The following GRIK4 variants were observed in gnomAD, a reference collection of about 807,000 sequenced individuals.
The protein encoded by GRIK4 is glutamate receptor ionotropic, kainate 4.
A neutral mutation model predicts 104.9 loss-of-function variants in GRIK4; 40 were observed. The observed-to-expected ratio is 0.38, with a 90% CI of 0.30 to 0.50. The LOEUF is 0.50. GRIK4 is among the 20% of genes least tolerant of loss of function. The probability of loss-of-function intolerance (pLI) is 0.93; values close to 1 mark genes in which losing one functional copy is unlikely to be tolerated. For missense variants in GRIK4, 1,047 were observed against 1,308.1 expected (o/e 0.80, Z 3.08); for synonymous variants, 485 against 524.9 (o/e 0.92, Z 1.04).
chr11:120,891,814 G>A (rs1955306994), intron 11 of GRIK4, among the ~76,000 whole-genome samples: 1 of 152,208 alleles, frequency 6.6e-6, no homozygotes, highest in Non-Finnish European at 1.5e-5. Flanking sequence ...AGGCTTCCTG[G>A]AGGAAGGGAC....
At chr11:120,985,247 C>T (rs1944721783) in intron 20 of GRIK4, among the ~76,000 whole-genome samples, 1 of 152,132 alleles carries the variant, frequency 6.6e-6, no homozygotes, top group Non-Finnish European at 1.5e-5. Flanking sequence ...TGTTTGTGGC[C>T]TTTATCTCAC....
In GRIK4 at chr11:120,801,319, G is replaced by A. The variant is rs535052754; in HGVS notation, c.83-1374G>A. Among the ~76,000 whole-genome samples the A allele has an allele frequency of 1.2e-4, 19 of 152,254 alleles. No homozygotes were observed. In the South Asian group the frequency reaches 2.3e-3, roughly 18 times the overall value. ...CAGCTCACTGCAACCTCCACTTCCCGGGTTCAAGTGATTCTCCTACCTCAG... is the reference window on the plus strand; with the variant it reads ...CAGCTCACTGCAACCTCCACTTCCCAGGTTCAAGTGATTCTCCTACCTCAG... On this transcript the variant is annotated intron_variant, in intron 3 of 20. Coordinates refer to ENST00000527524, the MANE Select transcript of GRIK4 (RefSeq NM_014619.5).
At chr11:120,907,076 C>T (rs1315550247) in intron 13 of GRIK4, among the ~76,000 whole-genome samples, 1 of 152,224 alleles carries the variant, frequency 6.6e-6, no homozygotes, top group Non-Finnish European at 1.5e-5. Context: ...GATGTACGTG[C>T]TTAAGTGGAA....
At chr11:120,626,512 G>A (rs984252549) in intron 1 of GRIK4, among the ~76,000 whole-genome samples, 1 of 152,120 alleles carries the variant, frequency 6.6e-6, no homozygotes, top group East Asian at 1.9e-4. Context: ...TCTCAAAGCC[G>A]CACAGGGTGG....
intron 1 of GRIK4, among the ~76,000 whole-genome samples, chr11:120,608,381 A>C (rs527995495): frequency 6.6e-6 from 1 of 152,246 alleles, no homozygotes; most frequent in Non-Finnish European, 1.5e-5. Context: ...AATACTTGCT[A>C]AGACTCAAAA....
intron 19 of GRIK4, among the ~76,000 whole-genome samples, chr11:120,978,164 G>A (rs567077168): frequency 6.6e-6 from 1 of 152,292 alleles, no homozygotes; most frequent in East Asian, 1.9e-4. Context: ...TACCATGACC[G>A]TGAGGTTATA....
In GRIK4 at chr11:120,732,718, A is replaced by G. The variant is rs143582957; in HGVS notation, c.83-69975A>G. Reference sequence around the variant, plus strand: ...AGAGAATATGTTTCATATTATTTCAATTTCATTGAATGTTTTAAGGCTTGT... The same window carrying G: ...AGAGAATATGTTTCATATTATTTCAGTTTCATTGAATGTTTTAAGGCTTGT... On this transcript the variant is annotated intron_variant, in intron 3 of 20. Coordinates refer to ENST00000527524, the MANE Select transcript of GRIK4 (RefSeq NM_014619.5). Among the ~76,000 whole-genome samples the G allele has an allele frequency of 4.2e-3, 640 of 152,290 alleles. 3 individuals are homozygous for G. The highest frequency in any genetic ancestry group is 0.01 in the Middle Eastern group (3 of 294).
chr11:120,834,265 T>G (rs1420725028), intron 7 of GRIK4, among the ~76,000 whole-genome samples: 3 of 83,074 alleles, frequency 3.6e-5, no homozygotes, highest in Non-Finnish European at 7.3e-5. Context: ...ACTTTATAGG[T>G]GTGTGTGTGT....
intron 3 of GRIK4, among the ~76,000 whole-genome samples, chr11:120,777,768 C>T (rs182786166): frequency 5.9e-5 from 9 of 152,118 alleles, no homozygotes; most frequent in African/African-American, 1.9e-4. Context: ...GAAACCCTGT[C>T]CTTACTAAAA....
intron 11 of GRIK4, among the ~76,000 whole-genome samples, chr11:120,883,683 C>T (rs1955033035): frequency 6.6e-6 from 1 of 152,240 alleles, no homozygotes; most frequent in South Asian, 2.1e-4. Flanking sequence ...GAAGCTTATT[C>T]ACACATCAGC....
At chr11:120,754,007 G>T (rs1324283390) in intron 3 of GRIK4, among the ~76,000 whole-genome samples, 2 of 152,058 alleles carry the variant, frequency 1.3e-5, no homozygotes, top group South Asian at 2.1e-4. Context: ...TGTACTTTCT[G>T]TGTCTTTAGA....
chr11:120,739,350 A>T (rs1951285851), intron 3 of GRIK4, among the ~76,000 whole-genome samples: 1 of 152,208 alleles, frequency 6.6e-6, no homozygotes, highest in Non-Finnish European at 1.5e-5. Context: ...GGCCCCCTTG[A>T]GTTTCCCATG....
In GRIK4 at chr11:120,955,044, G is replaced by GA. The variant is rs569754503; in HGVS notation, c.1701-1727dup. On this transcript the variant is annotated intron_variant, in intron 15 of 20. Transcript: ENST00000527524. ...TGTACTTCGGGTAAGATTTTACAGG[G>GA]AAAAAAAAATGTCTGAAAACAACAG... Among the ~76,000 whole-genome samples the GA allele has an allele frequency of 1.2e-4, 18 of 151,118 alleles. 1 individual carries two copies. In the South Asian group the frequency reaches 2.1e-3, roughly 18 times the overall value.
chr11:120,720,725 A>T (rs1169558334), intron 3 of GRIK4, among the ~76,000 whole-genome samples: 1 of 152,046 alleles, frequency 6.6e-6, no homozygotes, highest in East Asian at 1.9e-4. Flanking sequence ...ATAGGGAGGG[A>T]GGTAGATTTA....
chr11:120,898,840 GT>G (rs1401121565), intron 12 of GRIK4, among the ~76,000 whole-genome samples: 3 of 152,220 alleles, frequency 2.0e-5, no homozygotes, highest in African/African-American at 7.2e-5. Context: ...TGGGGGGAGG[GT>G]TGGGGTGGAG....
At chr11:120,835,489 A>G (rs991592469) in intron 7 of GRIK4, among the ~76,000 whole-genome samples, 6 of 152,090 alleles carry the variant, frequency 3.9e-5, no homozygotes, top group Middle Eastern at 3.2e-3. Flanking sequence ...GATCGCGCCA[A>G]TGCACTCCAG....
chr11:120,723,972 ACCCCC>A (rs1267191616), intron 3 of GRIK4, among the ~76,000 whole-genome samples: 120 of 150,394 alleles, frequency 8.0e-4, no homozygotes, highest in South Asian at 7.4e-3. Flanking sequence ...CCCTCTCCCT[ACCCCC>A]TGCTCTTGGC....
At chr11:120,533,016 A>G (rs376013195) in intron 1 of GRIK4, among the ~76,000 whole-genome samples, 1 of 152,194 alleles carries the variant, frequency 6.6e-6, no homozygotes, top group Non-Finnish European at 1.5e-5. Flanking sequence ...CAGATGATGC[A>G]ATGCGGTGTG....
Position 120,905,436 on chromosome 11 carries a change from C to T in GRIK4, c.1419C>T (p.Tyr473=), listed in dbSNP as rs1417471741. The change falls in exon 13 of 21, where the codon TAC becomes TAT. Residue 473 remains tyrosine, a synonymous_variant. Coordinates refer to ENST00000527524, the MANE Select transcript of GRIK4 (RefSeq NM_014619.5). This position sits in a 1 kb window ranked among gnomAD's most constrained non-coding sequence, Gnocchi z 5.1. ...YKIRLVGDGV[Y]GVPEANGTWT... is the part of the protein sequence containing the mutation. ...TCCGCCTGGTTGGGGATGGCGTGTACGGCGTTCCCGAGGCCAACGGCACCT... is the reference window on the plus strand; with the variant it reads ...TCCGCCTGGTTGGGGATGGCGTGTATGGCGTTCCCGAGGCCAACGGCACCT... 24 of 1,469,250 alleles carry T rather than the reference C, an allele frequency of 1.6e-5. No individual in the cohort carries two copies. Among genetic ancestry groups the T allele is most frequent in the African/African-American group, 4.3e-5 (3 of 69,984 alleles). The allele number at this position is 1,469,250 out of a possible 1,614,324, so 91.0% of individuals were successfully genotyped here.
Sources: gnomAD v4.1 joint callset for allele counts (sites outside exome capture counted in the v4.1 genomes callset) on GRCh38, gnomAD v4.1.1 for gene constraint, Gnocchi (gnomAD v3.1) non-coding constraint, MANE v1.5 for transcripts, NCBI Gene and HGNC (gene_info 2026-07-23, HGNC 2026-07-21) for gene names.